The following GTF2F2 variants were observed in gnomAD, a reference collection of about 807,000 sequenced individuals.
GTF2F2 encodes general transcription factor IIF subunit 2.
In GTF2F2, 23 loss-of-function variants were observed where a neutral mutation model predicts 42.2. The ratio of observed to expected loss-of-function variants is 0.55; its 90% CI spans 0.39 to 0.77. GTF2F2 has a LOEUF of 0.77. GTF2F2 is among the 30% of genes least tolerant of loss of function. The probability of loss-of-function intolerance (pLI) is 0.00; values close to 1 mark genes in which losing one functional copy is unlikely to be tolerated. For missense variants in GTF2F2, 261 were observed against 287.2 expected, an observed-to-expected ratio of 0.91 and a Z score of 0.66; for synonymous variants, 105 against 100.8, an observed-to-expected ratio of 1.04 and a Z score of -0.25.
chr13:45,227,368 G>C (rs2138212527), intron 5 of GTF2F2, among the ~76,000 whole-genome samples: 2 of 152,280 alleles, frequency 1.3e-5, no homozygotes, highest in Non-Finnish European at 2.9e-5. Context: ...TATATATTCT[G>C]CTTCAGTTTA....
intron 4 of GTF2F2, among the ~76,000 whole-genome samples, chr13:45,166,950 T>C (rs1047255252): frequency 2.6e-5 from 4 of 152,310 alleles, no homozygotes; most frequent in Admixed American, 6.5e-5. Context: ...TAATTAAACA[T>C]GTTTAAGTTC....
rs79119327 is a variant in GTF2F2, at chr13:45,242,404, G to A, written c.387-10467G>A. On this transcript the variant is annotated intron_variant, in intron 5 of 7. Coordinates refer to ENST00000340473, the MANE Select transcript of GTF2F2 (RefSeq NM_004128.3). The stretch of plus-strand genomic sequence containing the variant: ...TTTCACCCTGCAAATGTCAGCCTCC[G>A]TCTCCCCCTTTCAAAAATGAAATAC... Among the ~76,000 whole-genome samples, 227 of 151,290 alleles carry A rather than the reference G, an allele frequency of 1.5e-3. 1 individual carries two copies. Among genetic ancestry groups the A allele is most frequent in the African/African-American group, 3.7e-3 (152 of 41,218 alleles).
At chr13:45,252,633 G>A (rs1875925609) in intron 5 of GTF2F2, among the ~76,000 whole-genome samples, 1 of 152,010 alleles carries the variant, frequency 6.6e-6, no homozygotes, top group African/African-American at 2.4e-5. Flanking sequence ...TATAATAAGC[G>A]GGTGAAAAGT....
At chr13:45,134,330 G>C (rs774908445) in intron 1 of GTF2F2, among the ~76,000 whole-genome samples, 1 of 152,078 alleles carries the variant, frequency 6.6e-6, no homozygotes, top group Non-Finnish European at 1.5e-5. Context: ...TTTTCGCTAG[G>C]GACTTCTGGG....
intron 6 of GTF2F2, among the ~76,000 whole-genome samples, chr13:45,262,782 C>G (rs1008993348): frequency 6.6e-6 from 1 of 151,972 alleles, no homozygotes; most frequent in African/African-American, 2.4e-5. Context: ...CACTCTGTTG[C>G]CTAGGCTGGA....
At chr13:45,205,794 A>T (rs1873389258) in intron 4 of GTF2F2, among the ~76,000 whole-genome samples, 1 of 152,170 alleles carries the variant, frequency 6.6e-6, no homozygotes. Flanking sequence ...CTGGGATTAT[A>T]GCTGTGAGCC....
At chr13:45,264,162 G>A (rs1423848238) in intron 6 of GTF2F2, among the ~76,000 whole-genome samples, 2 of 150,810 alleles carry the variant, frequency 1.3e-5, no homozygotes, top group Non-Finnish European at 2.9e-5. Flanking sequence ...AGAAAGATAA[G>A]CATATATTTT....
chr13:45,212,588 G>T lies in GTF2F2; in HGVS notation c.386+5083G>T, dbSNP rs117253687. Among the ~76,000 whole-genome samples the T allele has an allele frequency of 3.9e-3, 461 of 117,348 alleles. 2 individuals are homozygous for T. The highest frequency in any genetic ancestry group is 5.7e-3 in the Non-Finnish European group (317 of 55,566). 77.0% of individuals were successfully genotyped at this position (117,348 alleles called of 152,430 possible). On this transcript the variant is annotated intron_variant, in intron 5 of 7. Coordinates refer to ENST00000340473, the MANE Select transcript of GTF2F2 (RefSeq NM_004128.3). ...TCTTTCTTTCTTTTTTTTGAGACAA[G>T]TCTTGCTTGCTCTGTTTCCCAGGCT...
rs1210038157 is a variant in GTF2F2 at position 45,240,975 on chromosome 13, C to CAAA, written c.387-11880_387-11878dup. Among the ~76,000 whole-genome samples the CAAA allele has an allele frequency of 7.2e-3, 763 of 106,450 alleles. 8 individuals are homozygous for CAAA. The highest frequency in any genetic ancestry group is 0.021 in the African/African-American group (632 of 30,168). The allele number at this position is 106,450 out of a possible 152,430, so 69.8% of individuals were successfully genotyped here. ...GCAACATGGCAAAACCCTGTTATTA[C>CAAA]AAAAAAAAAAAAAAAAAATTAGAAA... On this transcript the variant is annotated intron_variant, in intron 5 of 7. Coordinates refer to ENST00000340473, the MANE Select transcript of GTF2F2 (RefSeq NM_004128.3).
chr13:45,174,974 C>T (rs546837179), intron 4 of GTF2F2, among the ~76,000 whole-genome samples: 7 of 152,324 alleles, frequency 4.6e-5, no homozygotes, highest in Non-Finnish European at 1.0e-4. Context: ...AAAAATCTTA[C>T]AGCTCTTTGA....
intron 4 of GTF2F2, among the ~76,000 whole-genome samples, chr13:45,157,983 AT>A: frequency 6.6e-6 from 1 of 152,302 alleles, no homozygotes; most frequent in Non-Finnish European, 1.5e-5. Flanking sequence ...CCAGTGATAC[AT>A]TATTCTTCTA....
chr13:45,276,490 G>A lies in GTF2F2; in HGVS notation c.631-6952G>A, dbSNP rs980632942. Among the ~76,000 whole-genome samples, 2 of 150,776 alleles carry A rather than the reference G, an allele frequency of 1.3e-5. 1 individual carries two copies. The highest frequency in any genetic ancestry group is 1.3e-4 in the Admixed American group (2 of 15,148). On this transcript the variant is annotated intron_variant, in intron 7 of 7. Coordinates refer to ENST00000340473, the MANE Select transcript of GTF2F2 (RefSeq NM_004128.3). Reference sequence around the variant, plus strand: ...TCGCTCTTACCACCCATCCTGGGGTGCAATGGCATGATCTCGGCTCACTGC... The same window carrying A: ...TCGCTCTTACCACCCATCCTGGGGTACAATGGCATGATCTCGGCTCACTGC...
intron 1 of GTF2F2, among the ~76,000 whole-genome samples, chr13:45,127,758 G>A (rs1204139424): frequency 2.6e-5 from 4 of 151,710 alleles, no homozygotes; most frequent in African/African-American, 7.3e-5. Context: ...TCAGTCTCCC[G>A]AGTAGCTGGG....
chr13:45,284,495 A>G lies in GTF2F2; in HGVS notation c.*934A>G, dbSNP rs1316832066. 1.3e-5 allele frequency: 2 copies of G among 152,216 alleles called. No individual in the cohort carries two copies. Among genetic ancestry groups the G allele is most frequent in the African/African-American group, 4.8e-5 (2 of 41,456 alleles). The allele number at this position is 152,216 out of a possible 1,614,324, so 9.4% of individuals were successfully genotyped here. A position where few individuals can be genotyped will look rare whatever the true frequency, so the allele number is the denominator to read the frequency against. On this transcript the variant is annotated 3_prime_UTR_variant, in exon 8 of 8. Coordinates refer to ENST00000340473, the MANE Select transcript of GTF2F2 (RefSeq NM_004128.3). ...GTATATGTTAGTTTTTTCTAGCACA[A>G]CACAATATTATATATTAAGCGATCC...
chr13:45,197,543 C>G (rs1025555098), intron 4 of GTF2F2, among the ~76,000 whole-genome samples: 1 of 151,342 alleles, frequency 6.6e-6, no homozygotes, highest in Non-Finnish European at 1.5e-5. Flanking sequence ...CAGTAGGCCC[C>G]GCTGTATGCC....
At chr13:45,232,085 T>G (rs1874713217) in intron 5 of GTF2F2, among the ~76,000 whole-genome samples, 1 of 152,226 alleles carries the variant, frequency 6.6e-6, no homozygotes, top group Non-Finnish European at 1.5e-5. Context: ...CACATAGTCA[T>G]AGGATTACAG....
At position 45,222,130 on chromosome 13, in the gene GTF2F2, CTTAA is replaced by C. The variant is rs920541531; in HGVS notation, c.386+14637_386+14640del. On this transcript the variant is annotated intron_variant, in intron 5 of 7. Transcript: ENST00000340473. ...TTAACACTTACCATTGTGTGACTACCTTAATTAATTAATTATGACATACTGACTA... is the reference window on the plus strand; with the variant it reads ...TTAACACTTACCATTGTGTGACTACCTTAATTAATTATGACATACTGACTA... 5.3e-5 allele frequency among the ~76,000 whole-genome samples: 8 copies of C among 152,198 alleles called. No homozygotes were observed. The East Asian group carries it at 9.6e-4, about 18-fold the overall frequency.
intron 4 of GTF2F2, among the ~76,000 whole-genome samples, chr13:45,184,393 C>T (rs950837088): frequency 2.3e-4 from 35 of 148,986 alleles, no homozygotes; most frequent in Admixed American, 4.6e-4. Flanking sequence ...TATTCCCCCC[C>T]GCCCTTTTTT....
At chr13:45,176,249 C>G (rs181892296) in intron 4 of GTF2F2, among the ~76,000 whole-genome samples, 1 of 152,282 alleles carries the variant, frequency 6.6e-6, no homozygotes, top group Admixed American at 6.5e-5. Flanking sequence ...AAGAAGCCAT[C>G]TTAGTTTATC....
Sources: gnomAD v4.1 joint callset for allele counts (sites outside exome capture counted in the v4.1 genomes callset) on GRCh38, gnomAD v4.1.1 for gene constraint, MANE v1.5 for transcripts, NCBI Gene and HGNC (gene_info 2026-07-23, HGNC 2026-07-21) for gene names.